TRPV5: variants seen among roughly 807,000 people sequenced by gnomAD.
TRPV5 encodes the protein calcium transport protein 2.
Under a neutral mutation model 74.1 loss-of-function variants are expected in TRPV5, and 66 were observed. That is an observed-to-expected ratio of 0.89 (90% CI 0.73 to 1.09). The LOEUF (loss-of-function observed/expected upper bound fraction) is 1.09. TRPV5 is among the 50% of genes least tolerant of loss of function. The pLI is 0.00. For synonymous variants in TRPV5, 399 were observed against 360.7 expected (o/e 1.11, Z -1.20); for missense variants, 936 against 930.4 (o/e 1.01, Z -0.08).
chr7:142,910,491 A>G (rs1484457269), intron 13 of TRPV5, among the ~76,000 whole-genome samples: 1 of 152,242 alleles, frequency 6.6e-6, no homozygotes, highest in African/African-American at 2.4e-5. Flanking sequence ...GGACTATTCT[A>G]GTTTCAAAGA....
At chr7:142,916,097 G>T (rs1266178728) in intron 8 of TRPV5, among the ~76,000 whole-genome samples, 1 of 152,240 alleles carries the variant, frequency 6.6e-6, no homozygotes, top group Non-Finnish European at 1.5e-5. Context: ...TTTCTCATCT[G>T]TAAAATGGAG....
At chr7:142,929,243 G>A (rs959789362) in intron 4 of TRPV5, 123 bp from the exon 5 acceptor site, 62 of 1,476,410 alleles carry the variant, frequency 4.2e-5, no homozygotes, top group Middle Eastern at 3.5e-4. Flanking sequence ...AGGGACACTC[G>A]TCCAGCAGAA....
In TRPV5 at chr7:142,933,349, A is replaced by G. The variant is rs1168791637; in HGVS notation, c.111T>C (p.His37=). The change falls in exon 1 of 15, where the codon CAT becomes CAC. Residue 37 remains histidine (H), a synonymous_variant. Transcript: ENST00000265310. The part of the protein sequence containing the change: ...QDWDQHLDKL[H]MLQQKRILES... ...AAGCCTACCTCTTCTGCTGCAGCAT[A>G]TGAAGCTTGTCCAGGTGCTGGTCCC... 1 of 1,613,926 alleles carries G rather than the reference A, an allele frequency of 6.2e-7. No homozygotes were observed. Among genetic ancestry groups the G allele is most frequent in the Non-Finnish European group, 8.5e-7 (1 of 1,180,014 alleles).
chr7:142,918,587 T>G (rs914173385), intron 8 of TRPV5, among the ~76,000 whole-genome samples: 11 of 152,130 alleles, frequency 7.2e-5, no homozygotes, highest in Admixed American at 5.2e-4. Flanking sequence ...GCAGGAGAGG[T>G]GGCAGTGGAG....
At chr7:142,918,739 T>C (rs1795835772) in intron 8 of TRPV5, among the ~76,000 whole-genome samples, 1 of 152,150 alleles carries the variant, frequency 6.6e-6, no homozygotes, top group Non-Finnish European at 1.5e-5. Flanking sequence ...AAACTGGTTG[T>C]CCCCTGTGAG....
At chr7:142,924,403 T>C (rs1343855775) in intron 8 of TRPV5, among the ~76,000 whole-genome samples, 1 of 142,424 alleles carries the variant, frequency 7.0e-6, no homozygotes, top group East Asian at 2.0e-4. Flanking sequence ...CATATACATG[T>C]ATATATATAA....
At chr7:142,932,994 C>T (rs939037434) in intron 1 of TRPV5, among the ~76,000 whole-genome samples, 1 of 152,214 alleles carries the variant, frequency 6.6e-6, no homozygotes, top group African/African-American at 2.4e-5. Flanking sequence ...ATCCCTTCTT[C>T]AGCAGCCTGC....
chr7:142,921,961 C>G (rs1795893261), intron 8 of TRPV5, among the ~76,000 whole-genome samples: 1 of 152,196 alleles, frequency 6.6e-6, no homozygotes, highest in Non-Finnish European at 1.5e-5. Context: ...ATACCTAGAT[C>G]TCAGCTCAGT....
At chr7:142,909,384 C>T in intron 14 of TRPV5, 106 bp downstream of exon 14, 3 of 1,198,782 alleles carry the variant, frequency 2.5e-6, no homozygotes, top group Admixed American at 2.0e-5. Flanking sequence ...AGCTCCAGCC[C>T]CCTCCCCTAG....
intron 8 of TRPV5, among the ~76,000 whole-genome samples, chr7:142,915,777 T>C (rs1295649030): frequency 6.6e-6 from 1 of 152,224 alleles, no homozygotes; most frequent in Non-Finnish European, 1.5e-5. Context: ...ACGTCACATA[T>C]GCTAATGTCT....
chr7:142,918,760 G>A (rs1021159015), intron 8 of TRPV5, among the ~76,000 whole-genome samples: 4 of 152,246 alleles, frequency 2.6e-5, no homozygotes, highest in African/African-American at 9.6e-5. Context: ...TAAGACATGG[G>A]TGAGAAAGAG....
intron 7 of TRPV5, 145 bp downstream of exon 7, chr7:142,927,943 C>T: frequency 1.0e-6 from 1 of 961,042 alleles, no homozygotes; most frequent in Non-Finnish European, 1.5e-6. Context: ...TTGGACTTTC[C>T]CCCATGTCCC....
At chr7:142,926,053 G>T (rs1795984426) in intron 7 of TRPV5, among the ~76,000 whole-genome samples, 2 of 152,170 alleles carry the variant, frequency 1.3e-5, no homozygotes, top group Non-Finnish European at 2.9e-5. Flanking sequence ...GGTCAGGAAG[G>T]TCTGAGAAGC....
Position 142,908,818 on chromosome 7 carries a change from G to A in TRPV5, c.1896-10C>T, listed in dbSNP as rs1411560019. 5 of 1,603,312 alleles carry A rather than the reference G, an allele frequency of 3.1e-6. No individual in the cohort carries two copies. In the South Asian group the frequency reaches 3.3e-5, roughly 11 times the overall value. ...ATTGTGGTTCTCAACCCTGATAAGG[G>A]GAAAGGGGAAAGGACTCAATCCAGG... On this transcript the variant is annotated splice_polypyrimidine_tract_variant and intron_variant, in intron 14 of 14. Coordinates refer to ENST00000265310, the MANE Select transcript of TRPV5 (RefSeq NM_019841.7).
chr7:142,930,302 G>C (rs1190612529), intron 2 of TRPV5, 47 bp downstream of exon 2: 4 of 1,608,358 alleles, frequency 2.5e-6, no homozygotes, highest in Non-Finnish European at 2.6e-6. Flanking sequence ...GGGAGGAGGA[G>C]TAGGTTCTTC....
intron 1 of TRPV5, among the ~76,000 whole-genome samples, chr7:142,932,523 A>G (rs1268802582): frequency 6.6e-6 from 1 of 152,194 alleles, no homozygotes. Flanking sequence ...TCTGGAGTAC[A>G]GGGGAGCCCT....
At chr7:142,916,264 G>A (rs1264430712) in intron 8 of TRPV5, among the ~76,000 whole-genome samples, 1 of 152,182 alleles carries the variant, frequency 6.6e-6, no homozygotes, top group African/African-American at 2.4e-5. Context: ...GAGACACTAT[G>A]AGGAAGGGTC....
chr7:142,933,183 A>T, intron 1 of TRPV5, 149 bp downstream of exon 1: 1 of 1,128,544 alleles, frequency 8.9e-7, no homozygotes, highest in Non-Finnish European at 1.3e-6. Context: ...GGGATTCTGT[A>T]ATTAGGTGGG....
At chr7:142,914,434 G>A (rs1330545409) in intron 12 of TRPV5, among the ~76,000 whole-genome samples, 1 of 152,002 alleles carries the variant, frequency 6.6e-6, no homozygotes, top group Non-Finnish European at 1.5e-5. Context: ...ATGGCTTTAC[G>A]TTCCAGGCCA....
Sources: gnomAD v4.1 joint callset for allele counts (sites outside exome capture counted in the v4.1 genomes callset) on GRCh38, gnomAD v4.1.1 for gene constraint, MANE v1.5 for transcripts, NCBI Gene and HGNC (gene_info 2026-07-23, HGNC 2026-07-21) for gene names.